Variants in GPHN observed in about 807,000 individuals in gnomAD.
GPHN encodes the protein gephyrin.
Under a neutral mutation model 95.5 loss-of-function variants are expected in GPHN, and 17 were observed. The observed-to-expected ratio is 0.18, with a 90% confidence interval of 0.12 to 0.27. The LOEUF is 0.27. Among genes scored for constraint, GPHN ranks in the 10% least tolerant of loss-of-function variants. The pLI is 1.00. For synonymous variants in GPHN, 320 were observed against 322.5 expected, an observed-to-expected ratio of 0.99 and a Z score of 0.08; for missense variants, 660 against 978.1, an observed-to-expected ratio of 0.67 and a Z score of 4.34.
the GPHN span, chr14:67,677,078 G>A: frequency 2.0e-5 from 3 of 152,064 alleles, no homozygotes; most frequent in Non-Finnish European, 4.4e-5. Flanking sequence ...CCCCACCAAA[G>A]TTAAAATATA....
chr14:67,489,851 G>A, the GPHN span, among the ~76,000 whole-genome samples: 2 of 152,210 alleles, frequency 1.3e-5, no homozygotes, highest in Admixed American at 6.5e-5. Flanking sequence ...TTAGCCAGGT[G>A]TGATGGTGGG....
chr14:67,627,518 C>T, the GPHN span, among the ~76,000 whole-genome samples: 45 of 152,162 alleles, frequency 3.0e-4, no homozygotes, highest in Non-Finnish European at 4.3e-4. Context: ...TGAACAGTGT[C>T]ATATCTTTGG....
chr14:67,285,578 C>A, the GPHN span, among the ~76,000 whole-genome samples: 32 of 144,982 alleles, frequency 2.2e-4, no homozygotes, highest in African/African-American at 8.2e-4. Context: ...ACCGTGTTAG[C>A]CAGGATGGTC....
chr14:66,786,864 T>C (rs1050810174), intron 3 of GPHN, among the ~76,000 whole-genome samples: 1 of 152,060 alleles, frequency 6.6e-6, no homozygotes, highest in Non-Finnish European at 1.5e-5. Flanking sequence ...TAGGACTAGA[T>C]GGGACCTTAA....
At chr14:67,596,436 C>A in the GPHN span, among the ~76,000 whole-genome samples, 1 of 151,488 alleles carries the variant, frequency 6.6e-6, no homozygotes, top group Non-Finnish European at 1.5e-5. Context: ...CCACCGCACC[C>A]GGCAAAGCTA....
At chr14:66,905,703 T>G (rs2065345433) in intron 5 of GPHN, among the ~76,000 whole-genome samples, 1 of 152,082 alleles carries the variant, frequency 6.6e-6, no homozygotes, top group Non-Finnish European at 1.5e-5. Context: ...TACAAAAGGT[T>G]GTTTTTCAGC....
chr14:67,032,213 C>T (rs1020245334), intron 10 of GPHN, among the ~76,000 whole-genome samples: 4 of 152,160 alleles, frequency 2.6e-5, no homozygotes, highest in Non-Finnish European at 4.4e-5. Flanking sequence ...ATCCAATATT[C>T]TAGCTTTTCA....
rs184874444 is a variant in GPHN, at chr14:67,175,346, G to A, written c.2080-4232G>A. 9.8e-3 allele frequency among the ~76,000 whole-genome samples: 1,498 copies of A among 152,166 alleles called. 11 individuals are homozygous for A. The highest frequency in any genetic ancestry group is 0.017 in the Admixed American group (254 of 15,278). Reference sequence around the variant, plus strand: ...TTAATAAATAGGGAATCCTTTCCCTGTTGCTTGTTTTTGTCAGGTTTGTCA... The same window carrying A: ...TTAATAAATAGGGAATCCTTTCCCTATTGCTTGTTTTTGTCAGGTTTGTCA... On this transcript the variant is annotated intron_variant, in intron 21 of 22. Coordinates refer to ENST00000478722, the MANE Select transcript of GPHN (RefSeq NM_020806.5).
the GPHN span, among the ~76,000 whole-genome samples, chr14:67,328,274 T>C: frequency 1.3e-5 from 2 of 152,260 alleles, no homozygotes; most frequent in Admixed American, 1.3e-4. Context: ...GCTGCATGAA[T>C]GTCTTCTTTT....
rs77372566 is a variant in GPHN, at chr14:67,085,148, G to A, written c.1145-3835G>A. Among the ~76,000 whole-genome samples the A allele has an allele frequency of 4.9e-4, 74 of 152,302 alleles. 3 individuals are homozygous for A. In the East Asian group the frequency reaches 0.014, roughly 29 times the overall value. On this transcript the variant is annotated intron_variant, in intron 11 of 22. Transcript: ENST00000478722. ...TTGAGGGTTATTTTTTAGTATTTATGTGTATGTTAGAATGGGGAGTAAATA... is the reference window on the plus strand; with the variant it reads ...TTGAGGGTTATTTTTTAGTATTTATATGTATGTTAGAATGGGGAGTAAATA...
At chr14:67,302,537 G>A in the GPHN span, 3 of 1,577,020 alleles carry the variant, frequency 1.9e-6, no homozygotes, top group East Asian at 2.3e-5. Context: ...ATTGAAATTC[G>A]GGGGAAAGAT....
At chr14:67,649,416 T>A in the GPHN span, 1 of 152,164 alleles carries the variant, frequency 6.6e-6, no homozygotes, top group Admixed American at 6.6e-5. Context: ...CAGTGAGCCA[T>A]GATTGTGCCA....
the GPHN span, chr14:67,594,034 G>A: frequency 4.5e-6 from 4 of 885,718 alleles, no homozygotes; most frequent in Non-Finnish European, 7.2e-6. Context: ...CATGCATGGA[G>A]GAAAAGGAAA....
intron 11 of GPHN, among the ~76,000 whole-genome samples, chr14:67,061,010 T>C (rs1198950237): frequency 6.6e-6 from 1 of 152,196 alleles, no homozygotes; most frequent in Non-Finnish European, 1.5e-5. Context: ...CTACATTCCC[T>C]CTGTTACTGT....
rs2057873790 is a variant in GPHN, at chr14:66,508,383, T to C, written c.-145T>C. ...CCCACGCAGGCCACCGTGCACTCTG[T>C]GGCCTCCCCCTCCTTCCCCGCTCTC... On this transcript the variant is annotated 5_prime_UTR_variant, in exon 1 of 23. Coordinates refer to ENST00000478722, the MANE Select transcript of GPHN (RefSeq NM_020806.5). 1 of 781,302 alleles carries C rather than the reference T, an allele frequency of 1.3e-6. No homozygotes were observed. The highest frequency in any genetic ancestry group is 2.3e-6 in the Non-Finnish European group (1 of 440,576). 48.4% of individuals were successfully genotyped at this position (781,302 alleles called of 1,614,324 possible). A position where few individuals can be genotyped will look rare whatever the true frequency, so the allele number is the denominator to read the frequency against.
chr14:66,627,338 A>G (rs999387359), intron 1 of GPHN, among the ~76,000 whole-genome samples: 1 of 152,054 alleles, frequency 6.6e-6, no homozygotes, highest in African/African-American at 2.4e-5. Flanking sequence ...CTTAAACTAT[A>G]TTTGAATAGT....
chr14:67,122,129 C>T, intron 16 of GPHN, 127 bp from the exon 17 acceptor site: 1 of 867,556 alleles, frequency 1.2e-6, no homozygotes, highest in Non-Finnish European at 1.9e-6. Flanking sequence ...GGGCATTCAC[C>T]TTCAAAATGC....
intron 8 of GPHN, among the ~76,000 whole-genome samples, chr14:66,959,013 C>G (rs189173029): frequency 1.3e-5 from 2 of 152,066 alleles, no homozygotes; most frequent in Admixed American, 1.3e-4. Context: ...AGTGGTTTCC[C>G]TGGGAATTAC....
the GPHN span, chr14:67,412,152 G>T: frequency 8.6e-7 from 1 of 1,163,340 alleles, no homozygotes; most frequent in Non-Finnish European, 1.1e-6. Flanking sequence ...CCGCGCCCAC[G>T]GCGCCCAGGA....
Sources: allele counts gnomAD v4.1 joint callset (sites outside exome capture counted in the v4.1 genomes callset), GRCh38; gene constraint gnomAD v4.1.1; transcripts MANE v1.5; gene names NCBI Gene and HGNC (gene_info 2026-07-23, HGNC 2026-07-21).